The following ZSCAN12 variants were observed in gnomAD, a reference collection of about 807,000 sequenced individuals.
ZSCAN12 encodes the protein zinc finger and SCAN domain containing 12, also known as zinc finger and SCAN domain-containing protein 12.
A neutral mutation model predicts 23.4 loss-of-function variants in ZSCAN12; 18 were observed. The observed-to-expected ratio is 0.77, with a 90% CI of 0.53 to 1.14. ZSCAN12 has a LOEUF of 1.14. Ranked by LOEUF, ZSCAN12 falls within the 50% of genes most tolerant of loss-of-function variation. ZSCAN12 has a pLI of 0.00. For missense variants in ZSCAN12, 650 were observed against 735.0 expected, an observed-to-expected ratio of 0.88 and a Z score of 1.34; for synonymous variants, 186 against 253.4, an observed-to-expected ratio of 0.73 and a Z score of 2.53.
chr6:28,391,682 A>G lies in ZSCAN12; in HGVS notation c.608T>C (p.Met203Thr), dbSNP rs530562680. ...ACTGGATGTCTTCCCATGTGGTTCC[A>G]TTTCTTCAGAAACTTCTTGCTTTAA... ...GNLKQEVSEEMEPHGKTSSKF... is the reference protein window; with the variant it reads ...GNLKQEVSEETEPHGKTSSKF... The change falls in exon 4 of 4, where the codon ATG (methionine) becomes ACG (threonine). Residue 203 changes from methionine (M) to threonine (T), a missense_variant. Transcript: ENST00000684592. This position sits in a 1 kb window ranked among gnomAD's most constrained non-coding sequence, Gnocchi z 4.1. 9 of 1,548,138 alleles carry G rather than the reference A, an allele frequency of 5.8e-6. No homozygotes were observed. In the African/African-American group the frequency reaches 1.1e-4, roughly 19 times the overall value.
rs148520383 is a variant in ZSCAN12, at chr6:28,388,419, G to A, written c.*2035C>T. Among the ~76,000 whole-genome samples the A allele has an allele frequency of 2.0e-4, 31 of 152,208 alleles. No individual in the cohort carries two copies. Among genetic ancestry groups the A allele is most frequent in the Non-Finnish European group, 4.0e-4 (27 of 68,020 alleles). ...ACTTATACCATTATGACTTCTATGG[G>A]AATATGTGTTCATATTTACAACTTA... On this transcript the variant is annotated 3_prime_UTR_variant, in exon 4 of 4. Transcript: ENST00000684592.
At chr6:28,381,975 G>A (rs768401214), downstream of ZSCAN12, 1 of 152,240 alleles carries the variant, frequency 6.6e-6, no homozygotes, top group Admixed American at 6.5e-5. Flanking sequence ...TACTATTTAT[G>A]GGAAATGTTG....
intron 3 of ZSCAN12, 105 bp downstream of exon 3, chr6:28,392,797 C>G (rs1272892794): frequency 1.5e-6 from 2 of 1,300,674 alleles, no homozygotes; most frequent in East Asian, 2.5e-5. Flanking sequence ...TCTGAGACGG[C>G]CTTTTTGACT....
chr6:28,394,178 C>G (rs1340889153), intron 2 of ZSCAN12, among the ~76,000 whole-genome samples: 1 of 152,148 alleles, frequency 6.6e-6, no homozygotes, highest in Non-Finnish European at 1.5e-5. Context: ...GTTTCTTCAG[C>G]AAGGTATTGT....
At position 28,387,339 on chromosome 6, in the gene ZSCAN12, T is replaced by G. The variant is rs1349619747; in HGVS notation, c.*3115A>C. On this transcript the variant is annotated 3_prime_UTR_variant, in exon 4 of 4. Transcript: ENST00000684592. ...CCCCAAGTAAAGGCACTCAGAGGAGTAGAAGGCAAGTTTAAAACAACGATT... is the reference window on the plus strand; with the variant it reads ...CCCCAAGTAAAGGCACTCAGAGGAGGAGAAGGCAAGTTTAAAACAACGATT... Among the ~76,000 whole-genome samples the G allele has an allele frequency of 6.6e-6, 1 of 151,762 alleles. No homozygotes were observed. Among genetic ancestry groups the G allele is most frequent in the African/African-American group, 2.4e-5 (1 of 41,300 alleles).
downstream of ZSCAN12, among the ~76,000 whole-genome samples, chr6:28,383,801 G>A (rs1347670212): frequency 5.9e-5 from 9 of 152,176 alleles, no homozygotes; most frequent in Non-Finnish European, 1.3e-4. Flanking sequence ...ACCTGGGTGG[G>A]AGCTTTTATC....
chr6:28,391,207 A>G lies in ZSCAN12; in HGVS notation c.1083T>C (p.Asn361=). The G allele has an allele frequency of 6.4e-7, 1 of 1,551,956 alleles. No individual in the cohort carries two copies. The highest frequency in any genetic ancestry group is 8.7e-7 in the Non-Finnish European group (1 of 1,147,064). Residue 361 remains asparagine (N), a synonymous_variant, in exon 4 of 4, where the codon AAT becomes AAC. Coordinates refer to ENST00000684592, the MANE Select transcript of ZSCAN12 (RefSeq NM_001163391.2). The surrounding 1 kb of genome is among the most constrained non-coding windows in gnomAD (Gnocchi z 4.1). ...TCTGACTAAAGGCTTTGCCACAGTC[A>G]TTACAGTGATAGTGTTTTTCTCCTG... The part of the protein sequence containing the change: ...LHTGEKHYHC[N]DCGKAFSQKA...
At chr6:28,382,699 A>G, downstream of ZSCAN12, 4 of 1,462,498 alleles carry the variant, frequency 2.7e-6, no homozygotes, top group Non-Finnish European at 3.6e-6. Flanking sequence ...GCACTGAAAG[A>G]AAACGGAACT....
At chr6:28,393,180 T>C in intron 2 of ZSCAN12, 134 bp from the exon 3 acceptor site, 1 of 897,580 alleles carries the variant, frequency 1.1e-6, no homozygotes, top group Non-Finnish European at 1.6e-6. Context: ...TACCCATTCT[T>C]CAAGGCCAAT....
rs960342122 is a variant in ZSCAN12 at position 28,391,098 on chromosome 6, G to A, written c.1192C>T (p.Arg398Cys). ...CTQCNKSFSRRSILTQHQGVH... is the reference protein window; with the variant it reads ...CTQCNKSFSRCSILTQHQGVH... ...CCTTGATGCTGAGTAAGTATGGAACGCCGACTAAAACTTTTATTACACTGA... is the reference window on the plus strand; with the variant it reads ...CCTTGATGCTGAGTAAGTATGGAACACCGACTAAAACTTTTATTACACTGA... The change falls in exon 4 of 4, where the codon CGT becomes TGT. Residue 398 changes from arginine (R) to cysteine (C), a missense_variant. Physicochemically the swap from Arg to Cys is radical, Grantham distance 180. Coordinates refer to ENST00000684592, the MANE Select transcript of ZSCAN12 (RefSeq NM_001163391.2). The surrounding 1 kb of genome is among the most constrained non-coding windows in gnomAD (Gnocchi z 4.1). 5.8e-6 allele frequency: 9 copies of A among 1,552,092 alleles called. No individual in the cohort carries two copies. Among genetic ancestry groups the A allele is most frequent in the Admixed American group, 2.0e-5 (1 of 50,994 alleles).
chr6:28,393,016 A>T lies in ZSCAN12; in HGVS notation c.433T>A (p.Phe145Ile). The change falls in exon 3 of 4, where the codon TTC becomes ATC. Residue 145 changes from phenylalanine to isoleucine, a missense_variant. Phe to Ile is a conservative substitution (Grantham distance 21). Coordinates refer to ENST00000684592, the MANE Select transcript of ZSCAN12 (RefSeq NM_001163391.2). The part of the protein sequence containing the change: ...VSVHTGEQEM[F>I]LQETVRLRKE... ...CGTAGACGTACCGTCTCCTGCAAGA[A>T]CATTTCCTGTTCCCCAGTGTGGACT... 6.4e-7 allele frequency: 1 copy of T among 1,551,818 alleles called. No homozygotes were observed. Among genetic ancestry groups the T allele is most frequent in the Non-Finnish European group, 8.7e-7 (1 of 1,147,002 alleles).
chr6:28,391,266 A>ACCACCGGTTAAGAG lies in ZSCAN12; in HGVS notation c.1023_1024insCTCTTAACCGGTGG (p.Trp342LeufsTer289). On this transcript the variant is annotated frameshift_variant, in exon 4 of 4. Transcript: ENST00000684592. LOFTEE classifies it low-confidence loss of function (END_TRUNC). This position sits in a 1 kb window ranked among gnomAD's most constrained non-coding sequence, Gnocchi z 4.1. ...CTCTGATGTTGGTTAAGAGCTGACC[A>ACCACCGGTTAAGAG]CCGGCCAAAGGCTTTGCCACATTCA... The ACCACCGGTTAAGAG allele has an allele frequency of 5.8e-6, 9 of 1,551,808 alleles. No homozygotes were observed. Among genetic ancestry groups the ACCACCGGTTAAGAG allele is most frequent in the Non-Finnish European group, 7.0e-6 (8 of 1,147,032 alleles).
chr6:28,395,693 T>A (rs969096209), intron 2 of ZSCAN12, among the ~76,000 whole-genome samples: 1 of 152,216 alleles, frequency 6.6e-6, no homozygotes, highest in African/African-American at 2.4e-5. Context: ...CAATTCGAAA[T>A]TCTTATAATG....
At chr6:28,380,944 G>A (rs1265996168), downstream of ZSCAN12, 1 of 152,750 alleles carries the variant, frequency 6.5e-6, no homozygotes, top group Non-Finnish European at 1.5e-5. Context: ...AGGGTACAGT[G>A]ATTAAAAATA....
chr6:28,390,393 T>G lies in ZSCAN12; in HGVS notation c.*61A>C. 2 of 1,379,022 alleles carry G rather than the reference T, an allele frequency of 1.5e-6. No homozygotes were observed. Among genetic ancestry groups the G allele is most frequent in the South Asian group, 3.1e-5 (2 of 65,568 alleles). The allele number at this position is 1,379,022 out of a possible 1,614,324, so 85.4% of individuals were successfully genotyped here. A position where few individuals can be genotyped will look rare whatever the true frequency, so the allele number is the denominator to read the frequency against. Reference sequence around the variant, plus strand: ...GTGACTGAAGTTTTGCCCCAATAATTGTAAAGCTAAATAGTATTTCTCACC... The same window carrying G: ...GTGACTGAAGTTTTGCCCCAATAATGGTAAAGCTAAATAGTATTTCTCACC... On this transcript the variant is annotated 3_prime_UTR_variant, in exon 4 of 4. Coordinates refer to ENST00000684592, the MANE Select transcript of ZSCAN12 (RefSeq NM_001163391.2).
chr6:28,391,489 G>A lies in ZSCAN12; in HGVS notation c.801C>T (p.Ile267=). The change falls in exon 4 of 4, where the codon ATC becomes ATT. Residue 267 remains isoleucine (I), a synonymous_variant. Transcript: ENST00000684592. This position sits in a 1 kb window ranked among gnomAD's most constrained non-coding sequence, Gnocchi z 4.1. ...ENSDHTEHQR[I]CPGEESYGCD... Reference sequence around the variant, plus strand: ...ATCCGTAAGATTCTTCTCCTGGACAGATTCTCTGATGTTCAGTATGGTCAG... The same window carrying A: ...ATCCGTAAGATTCTTCTCCTGGACAAATTCTCTGATGTTCAGTATGGTCAG... 6.4e-7 allele frequency: 1 copy of A among 1,551,958 alleles called. No homozygotes were observed. The highest frequency in any genetic ancestry group is 8.7e-7 in the Non-Finnish European group (1 of 1,147,050).
Position 28,388,029 on chromosome 6 carries a change from T to C in ZSCAN12, c.*2425A>G, listed in dbSNP as rs1760636282. Among the ~76,000 whole-genome samples, 1 of 152,170 alleles carries C rather than the reference T, an allele frequency of 6.6e-6. No homozygotes were observed. Among genetic ancestry groups the C allele is most frequent in the African/African-American group, 2.4e-5 (1 of 41,442 alleles). ...CTTTGGAGCCGCAAGCAGCTGAACC[T>C]TGGTTTGGTTACAAGTTTGCATTCT... On this transcript the variant is annotated 3_prime_UTR_variant, in exon 4 of 4. Coordinates refer to ENST00000684592, the MANE Select transcript of ZSCAN12 (RefSeq NM_001163391.2).
downstream of ZSCAN12, chr6:28,382,426 ATTTC>A: frequency 6.6e-7 from 1 of 1,518,344 alleles, no homozygotes; most frequent in Non-Finnish European, 8.8e-7. Flanking sequence ...AAGACCTGTG[ATTTC>A]TTTGCCAGCC....
At chr6:28,398,661 T>A (rs1224902950) in intron 1 of ZSCAN12, among the ~76,000 whole-genome samples, 188 bp from the exon 2 acceptor site, 1 of 150,158 alleles carries the variant, frequency 6.7e-6, no homozygotes, top group African/African-American at 2.5e-5. Context: ...CTCACGCCTG[T>A]AATCCCAGCA....
Sources: allele counts gnomAD v4.1 joint callset (sites outside exome capture counted in the v4.1 genomes callset), GRCh38; gene constraint gnomAD v4.1.1; non-coding constraint Gnocchi (gnomAD v3.1); transcripts MANE v1.5; gene names NCBI Gene and HGNC (gene_info 2026-07-23, HGNC 2026-07-21).